The following DLG3 variants were observed in gnomAD, a reference collection of about 807,000 sequenced individuals.
The protein encoded by DLG3 is discs large MAGUK scaffold protein 3.
In DLG3, 1 loss-of-function variant was observed where a neutral mutation model predicts 64.1. That is an observed-to-expected ratio of 0.02 (90% confidence interval 0.01 to 0.07). The LOEUF (loss-of-function observed/expected upper bound fraction) is 0.07, where lower values mean the gene tolerates loss of function less well. Ranked by LOEUF, DLG3 falls within the 10% of genes least tolerant of loss-of-function variation. The pLI is 1.00. For synonymous variants in DLG3, 245 were observed against 259.8 expected, an observed-to-expected ratio of 0.94 and a Z score of 0.55; for missense variants, 429 against 669.5, an observed-to-expected ratio of 0.64 and a Z score of 3.96.
In DLG3 at chrX:70,448,590, C is replaced by T. The variant is rs745936007; in HGVS notation, c.358-323C>T. ...TGCCATCCCCCTTAGGCCAGGCCTG[C>T]ACCCCTCCTAGTGAACCCTGAGACA... On this transcript the variant is annotated intron_variant, in intron 1 of 18. Coordinates refer to ENST00000374360, the MANE Select transcript of DLG3 (RefSeq NM_021120.4). The T allele has an allele frequency of 1.0e-5, 12 of 1,163,413 alleles. No homozygotes were observed. The South Asian group carries it at 2.1e-4, about 20-fold the overall frequency.
chrX:70,467,328 G>C (rs992750029), intron 9 of DLG3, among the ~76,000 whole-genome samples: 2 of 112,119 alleles, frequency 1.8e-5, no homozygotes, highest in Admixed American at 1.9e-4. Flanking sequence ...CCATTTGTTA[G>C]ATAATCCATC....
intron 13 of DLG3, 31 bp downstream of exon 13, chrX:70,495,484 C>T: frequency 8.4e-7 from 1 of 1,187,636 alleles, no homozygotes; most frequent in Non-Finnish European, 1.1e-6. Context: ...GTTCACTGTA[C>T]TTGTGGCATG....
chrX:70,498,677 G>C, intron 14 of DLG3, 107 bp downstream of exon 14: 2 of 705,136 alleles, frequency 2.8e-6, no homozygotes, highest in Non-Finnish European at 4.2e-6. Context: ...GAGGAGGAAG[G>C]CTTGACTCAT....
In DLG3 at chrX:70,493,360, T is replaced by C. The variant is rs757314125; in HGVS notation, c.1773+764T>C. ...TTTCTTCTGTCCTTCCCCTCCATCT[T>C]CATGTTCTTTCACAGTCGATCAAAA... On this transcript the variant is annotated intron_variant, in intron 12 of 18. Transcript: ENST00000374360. The C allele has an allele frequency of 5.9e-6, 7 of 1,185,303 alleles. No homozygotes were observed. In the East Asian group the frequency reaches 2.1e-4, roughly 36 times the overall value.
In DLG3 at chrX:70,502,647, G is replaced by C; in HGVS notation, c.*378G>C. On this transcript the variant is annotated 3_prime_UTR_variant, in exon 19 of 19. Coordinates refer to ENST00000374360, the MANE Select transcript of DLG3 (RefSeq NM_021120.4). ...TCTGGACAGCTGCACGGCTTGTGAA[G>C]TGAGCTAAATGCACCACATGATGAG... 1 of 197,318 alleles carries C rather than the reference G, an allele frequency of 5.1e-6. No individual in the cohort carries two copies. 16.3% of individuals were successfully genotyped at this position (197,318 alleles called of 1,213,427 possible).
intron 9 of DLG3, among the ~76,000 whole-genome samples, chrX:70,471,948 C>T (rs2086977257): frequency 9.0e-6 from 1 of 111,655 alleles, no homozygotes; most frequent in Admixed American, 9.5e-5. Context: ...ATAATTTTCC[C>T]TCAAACCTAG....
At chrX:70,491,779 G>A (rs2087363349) in intron 10 of DLG3, among the ~76,000 whole-genome samples, 1 of 112,466 alleles carries the variant, frequency 8.9e-6, no homozygotes, top group Non-Finnish European at 1.9e-5. Context: ...GCTAGAGCTA[G>A]TTTCCTAGGA....
intron 9 of DLG3, among the ~76,000 whole-genome samples, chrX:70,466,353 A>G (rs1448860973): frequency 9.5e-6 from 1 of 105,257 alleles, no homozygotes; most frequent in Non-Finnish European, 1.9e-5. Context: ...ATCAATTCTT[A>G]TTGATATATA....
At chrX:70,463,137 TTTTTA>T (rs951670207) in intron 9 of DLG3, among the ~76,000 whole-genome samples, 2 of 111,850 alleles carry the variant, frequency 1.8e-5, no homozygotes, top group African/African-American at 3.2e-5. Context: ...GAGTTATTTC[TTTTTA>T]TTTTATTTTA....
rs183917083 is a variant in DLG3, at chrX:70,450,427, A to C, written c.840+122A>C. 112 of 1,011,169 alleles carry C rather than the reference A, an allele frequency of 1.1e-4. 2 individuals carry two copies. In the African/African-American group the frequency reaches 1.7e-3, roughly 15 times the overall value. The allele number at this position is 1,011,169 out of a possible 1,213,427, so 83.3% of individuals were successfully genotyped here. ...TCATGGGGGAATTTCAAGAGTTATC[A>C]TCTGTGTTGTGTTTGCCCAGATACA... On this transcript the variant is annotated intron_variant, in intron 5 of 18. Transcript: ENST00000374360.
intron 9 of DLG3, among the ~76,000 whole-genome samples, chrX:70,460,514 G>A (rs935188243): frequency 8.9e-6 from 1 of 112,161 alleles, no homozygotes; most frequent in African/African-American, 3.2e-5. Flanking sequence ...AATAGTAAAC[G>A]TGTGCAGGCT....
rs1423285607 is a variant in DLG3 at position 70,495,473 on chromosome X, C to T, written c.1819+20C>T. ...ACCTGAGTAAGTCCAACTTACACAC[C>T]GTTCACTGTACTTGTGGCATGAATG... On this transcript the variant is annotated intron_variant, in intron 13 of 18. Transcript: ENST00000374360. The T allele has an allele frequency of 2.5e-6, 3 of 1,194,047 alleles. No homozygotes were observed. Among genetic ancestry groups the T allele is most frequent in the Non-Finnish European group, 3.4e-6 (3 of 879,872 alleles).
In DLG3 at chrX:70,502,273, A is replaced by G. The variant is rs758425421; in HGVS notation, c.*4A>G. The G allele has an allele frequency of 8.7e-7, 1 of 1,145,284 alleles. No homozygotes were observed. The highest frequency in any genetic ancestry group is 1.2e-6 in the Non-Finnish European group (1 of 836,619). The allele number at this position is 1,145,284 out of a possible 1,213,427, so 94.4% of individuals were successfully genotyped here. A position where few individuals can be genotyped will look rare whatever the true frequency, so the allele number is the denominator to read the frequency against. Reference sequence around the variant, plus strand: ...CCCATCCCCTGAAAAACTCTGAAGAATCCCCTCCAACCATTCTCTTGTGAA... The same window carrying G: ...CCCATCCCCTGAAAAACTCTGAAGAGTCCCCTCCAACCATTCTCTTGTGAA... On this transcript the variant is annotated 3_prime_UTR_variant, in exon 19 of 19. Coordinates refer to ENST00000374360, the MANE Select transcript of DLG3 (RefSeq NM_021120.4).
chrX:70,445,132 T>TGGTGGCGGC lies in DLG3; in HGVS notation c.-58_-50dup. ...GGGAGCCCGGCGGCGGCGGCGGCGGTGGTGGCGGCGGTGGCGGCGGCGTGG... is the reference window on the plus strand; with the variant it reads ...GGGAGCCCGGCGGCGGCGGCGGCGGTGGTGGCGGCGGTGGCGGCGGTGGCGGCGGCGTGG... On this transcript the variant is annotated 5_prime_UTR_variant, in exon 1 of 19. Coordinates refer to ENST00000374360, the MANE Select transcript of DLG3 (RefSeq NM_021120.4). 1.1e-6 allele frequency: 1 copy of TGGTGGCGGC among 879,605 alleles called. No homozygotes were observed. Among genetic ancestry groups the TGGTGGCGGC allele is most frequent in the Non-Finnish European group, 1.5e-6 (1 of 651,637 alleles). The allele number at this position is 879,605 out of a possible 1,213,427, so 72.5% of individuals were successfully genotyped here.
chrX:70,477,733 C>T (rs1047478347), intron 9 of DLG3, among the ~76,000 whole-genome samples: 6 of 112,001 alleles, frequency 5.4e-5, no homozygotes, highest in African/African-American at 2.0e-4. Context: ...TGAAAGAGCA[C>T]ACGAATTTAA....
Position 70,475,903 on chromosome X carries a change from C to G in DLG3, c.1406-3247C>G, listed in dbSNP as rs533681805. 6.2e-4 allele frequency among the ~76,000 whole-genome samples: 70 copies of G among 112,274 alleles called. No individual in the cohort carries two copies. The South Asian group carries it at 0.026, about 42-fold the overall frequency. Reference sequence around the variant, plus strand: ...TTATTTTTGAGAGCTTATCCACTCTCTGGCCCCACCTTTCTTTTCAGAGAC... The same window carrying G: ...TTATTTTTGAGAGCTTATCCACTCTGTGGCCCCACCTTTCTTTTCAGAGAC... On this transcript the variant is annotated intron_variant, in intron 9 of 18. Coordinates refer to ENST00000374360, the MANE Select transcript of DLG3 (RefSeq NM_021120.4).
chrX:70,462,280 C>T (rs1178881747), intron 9 of DLG3, among the ~76,000 whole-genome samples: 2 of 80,151 alleles, frequency 2.5e-5, no homozygotes, highest in African/African-American at 1.0e-4. Context: ...GACAGAGCCT[C>T]ACTCTGTTAC....
At position 70,445,269 on chromosome X, in the gene DLG3, G is replaced by A; in HGVS notation, c.68G>A (p.Arg23Gln). Residue 23 changes from arginine to glutamine, a missense_variant, in exon 1 of 19, where the codon CGG becomes CAG. Arg to Gln is a conservative substitution (Grantham distance 43, BLOSUM62 1). Around this residue, in one of 9 missense-constraint regions of DLG3, gnomAD observed 123 missense variants for 113.3 expected, o/e 1.09. Coordinates refer to ENST00000374360, the MANE Select transcript of DLG3 (RefSeq NM_021120.4). ...CYEVTRLAAL[R>Q]RLEPPGYGDW... ...GAGGTGACCCGCCTGGCCGCCCTGC[G>A]GCGCCTCGAGCCTCCGGGCTACGGC... The A allele has an allele frequency of 5.2e-6, 6 of 1,164,728 alleles. No individual in the cohort carries two copies. The highest frequency in any genetic ancestry group is 6.9e-6 in the Non-Finnish European group (6 of 873,128).
intron 10 of DLG3, among the ~76,000 whole-genome samples, chrX:70,488,004 G>A (rs2087287275): frequency 9.1e-6 from 1 of 109,399 alleles, no homozygotes; most frequent in African/African-American, 3.3e-5. Flanking sequence ...GTAGCTGAGT[G>A]AAGAATTAGC....
Sources: allele counts gnomAD v4.1 joint callset (sites outside exome capture counted in the v4.1 genomes callset), GRCh38; gene constraint gnomAD v4.1.1; regional missense constraint gnomAD v4.1.1; transcripts MANE v1.5; gene names NCBI Gene and HGNC (gene_info 2026-07-23, HGNC 2026-07-21).